Variants in NFX1 observed in about 807,000 individuals in gnomAD.
NFX1 encodes nuclear transcription factor, X-box binding 1.
Under a neutral mutation model 137.2 loss-of-function variants are expected in NFX1, and 69 were observed. That is an observed-to-expected ratio of 0.50 (90% CI 0.41 to 0.61). The LOEUF is 0.61. Among genes scored for constraint, NFX1 ranks in the 20% least tolerant of loss-of-function variants. The pLI, the probability that NFX1 is intolerant of heterozygous loss-of-function variation, is 0.00. For synonymous variants in NFX1, 495 were observed against 474.1 expected, an observed-to-expected ratio of 1.04 and a Z score of -0.57; for missense variants, 1,167 against 1,391.0, an observed-to-expected ratio of 0.84 and a Z score of 2.56.
chr9:33,297,211 T>A (rs1821387549), intron 2 of NFX1, among the ~76,000 whole-genome samples: 1 of 152,238 alleles, frequency 6.6e-6, no homozygotes, highest in Admixed American at 6.5e-5. Context: ...AATAGTTTTA[T>A]TCTGCTAGCT....
intron 4 of NFX1, among the ~76,000 whole-genome samples, chr9:33,304,153 T>C (rs562244370): frequency 2.6e-5 from 4 of 152,288 alleles, no homozygotes; most frequent in East Asian, 1.9e-4. Context: ...TCCCAGCTAC[T>C]TGGGAGGCTG....
chr9:33,336,292 T>G (rs542373886), intron 11 of NFX1, among the ~76,000 whole-genome samples: 26 of 152,308 alleles, frequency 1.7e-4, no homozygotes, highest in Admixed American at 5.2e-4. Flanking sequence ...CTCAGCTCAC[T>G]GCAAACTCCA....
intron 18 of NFX1, 56 bp from the exon 19 acceptor site, chr9:33,354,795 A>G (rs1211297952): frequency 1.3e-6 from 2 of 1,490,988 alleles, no homozygotes; most frequent in Non-Finnish European, 9.1e-7. Flanking sequence ...TTCTTGCTGG[A>G]TGGGAGCTGT....
intron 19 of NFX1, 52 bp downstream of exon 19, chr9:33,354,944 A>G (rs745726967): frequency 8.2e-6 from 13 of 1,577,962 alleles, no homozygotes; most frequent in Non-Finnish European, 1.1e-5. Flanking sequence ...GCTCTGTGAA[A>G]TTAATGGGAG....
intron 12 of NFX1, among the ~76,000 whole-genome samples, chr9:33,340,221 T>C (rs1823168458): frequency 6.6e-6 from 1 of 152,344 alleles, no homozygotes; most frequent in African/African-American, 2.4e-5. Context: ...TTTCCATACA[T>C]CTTTTGAAAC....
chr9:33,336,681 G>T (rs72707413), intron 11 of NFX1, among the ~76,000 whole-genome samples: 1,677 of 152,284 alleles, frequency 0.011, 19 homozygotes, highest in Non-Finnish European at 0.015. Flanking sequence ...GCTCACTGCA[G>T]CCTTGATCTC....
intron 19 of NFX1, among the ~76,000 whole-genome samples, chr9:33,358,192 T>C (rs1823874619): frequency 1.3e-5 from 2 of 150,996 alleles, no homozygotes; most frequent in Non-Finnish European, 3.0e-5. Context: ...TGGTGTGATC[T>C]CGGCTCACTG....
intron 11 of NFX1, among the ~76,000 whole-genome samples, chr9:33,336,032 T>G (rs1184833931): frequency 2.0e-5 from 3 of 152,212 alleles, no homozygotes; most frequent in African/African-American, 7.2e-5. Context: ...CCTATTTTCA[T>G]TTCTTTGGGG....
intron 23 of NFX1, among the ~76,000 whole-genome samples, chr9:33,368,923 G>A (rs1824247079): frequency 6.6e-6 from 1 of 152,134 alleles, no homozygotes; most frequent in Non-Finnish European, 1.5e-5. Flanking sequence ...CCTAGGTTCT[G>A]GTCAGCACAG....
chr9:33,366,822 T>TG (rs1157789324), intron 22 of NFX1, 48 bp downstream of exon 22: 4 of 1,588,852 alleles, frequency 2.5e-6, no homozygotes, highest in Non-Finnish European at 3.4e-6. Flanking sequence ...CAGGGCAAAC[T>TG]GGACCCAAGA....
intron 17 of NFX1, 180 bp downstream of exon 17, chr9:33,352,899 G>T: frequency 1.8e-6 from 1 of 555,566 alleles, no homozygotes; most frequent in Non-Finnish European, 3.2e-6. Flanking sequence ...TAGTATCCTT[G>T]CAACTTTTCT....
At chr9:33,364,479 C>T (rs528485249) in intron 20 of NFX1, among the ~76,000 whole-genome samples, 1 of 152,184 alleles carries the variant, frequency 6.6e-6, no homozygotes, top group African/African-American at 2.4e-5. Flanking sequence ...TATTTTTCTC[C>T]TGGAGTCCCT....
chr9:33,363,557 T>C (rs1000101564), intron 19 of NFX1, among the ~76,000 whole-genome samples: 11 of 152,164 alleles, frequency 7.2e-5, no homozygotes, highest in African/African-American at 2.4e-4. Flanking sequence ...GTCCTAGGAT[T>C]ACTGGTGTGA....
chr9:33,356,292 G>A (rs909267872), intron 19 of NFX1, among the ~76,000 whole-genome samples: 1 of 152,158 alleles, frequency 6.6e-6, no homozygotes, highest in African/African-American at 2.4e-5. Flanking sequence ...TGAAGTGCCT[G>A]TACAAGTCCT....
chr9:33,322,663 C>T (rs566425254), intron 9 of NFX1, among the ~76,000 whole-genome samples: 7 of 152,130 alleles, frequency 4.6e-5, no homozygotes, highest in Non-Finnish European at 1.0e-4. Flanking sequence ...GAGAAGCAAG[C>T]CAAGAAGGCA....
At chr9:33,346,906 T>A (rs1434596932) in intron 14 of NFX1, 132 bp from the exon 15 acceptor site, 1 of 552,088 alleles carries the variant, frequency 1.8e-6, no homozygotes, top group African/African-American at 1.9e-5. Context: ...TACTTTCCTG[T>A]GACCGTTTTT....
At chr9:33,290,833 C>T (rs1821131365) in intron 1 of NFX1, among the ~76,000 whole-genome samples, 1 of 152,264 alleles carries the variant, frequency 6.6e-6, no homozygotes, top group South Asian at 2.1e-4. Context: ...TGTCCCGGCG[C>T]TGCGAGTCGA....
At chr9:33,313,448 A>AAACAAT (rs1822038089) in intron 6 of NFX1, among the ~76,000 whole-genome samples, 1 of 151,958 alleles carries the variant, frequency 6.6e-6, no homozygotes, top group African/African-American at 2.4e-5. Context: ...ACAAAAACAA[A>AAACAAT]AACAGAAGAA....
intron 12 of NFX1, among the ~76,000 whole-genome samples, chr9:33,342,128 T>TCACACACACACACACA (rs150408873): frequency 2.1e-5 from 3 of 146,186 alleles, no homozygotes; most frequent in African/African-American, 7.5e-5. Flanking sequence ...TCTCTCTCTC[T>TCACACACACACACACA]CACACACACA....
Sources: allele counts gnomAD v4.1 joint callset (sites outside exome capture counted in the v4.1 genomes callset), GRCh38; gene constraint gnomAD v4.1.1; transcripts MANE v1.5; gene names NCBI Gene and HGNC (gene_info 2026-07-23, HGNC 2026-07-21).